Variants in SPAG6 observed in about 807,000 individuals in gnomAD.
The protein encoded by SPAG6 is sperm associated antigen 6.
Under a neutral mutation model 58.5 loss-of-function variants are expected in SPAG6, and 49 were observed. The ratio of observed to expected loss-of-function variants is 0.84; its 90% confidence interval spans 0.67 to 1.06. SPAG6 has a LOEUF of 1.06. SPAG6 is among the 50% of genes least tolerant of loss of function. The probability of loss-of-function intolerance (pLI) is 0.00; values close to 1 mark genes in which losing one functional copy is unlikely to be tolerated. For synonymous variants in SPAG6, 233 were observed against 225.6 expected (o/e 1.03, Z -0.29); for missense variants, 560 against 611.3 (o/e 0.92, Z 0.89).
At chr10:22,406,146 G>C (rs1834548836) in intron 9 of SPAG6, among the ~76,000 whole-genome samples, 1 of 152,042 alleles carries the variant, frequency 6.6e-6, no homozygotes, top group Admixed American at 6.6e-5. Context: ...CTTCAGTTCT[G>C]CTCTGATTTT....
At chr10:22,410,115 C>G (rs1834692250) in intron 9 of SPAG6, among the ~76,000 whole-genome samples, 1 of 152,120 alleles carries the variant, frequency 6.6e-6, no homozygotes, top group Non-Finnish European at 1.5e-5. Flanking sequence ...TCATTGGTTG[C>G]TTTAAGAAAC....
At chr10:22,367,807 A>C (rs1837239580) in intron 3 of SPAG6, among the ~76,000 whole-genome samples, 1 of 152,196 alleles carries the variant, frequency 6.6e-6, no homozygotes, top group Admixed American at 6.5e-5. Flanking sequence ...ATAAATATGA[A>C]GCAGTATTTA....
At chr10:22,349,219 GT>G (rs1048468677) in intron 2 of SPAG6, among the ~76,000 whole-genome samples, 2,275 of 145,792 alleles carry the variant, frequency 0.016, 48 homozygotes, top group African/African-American at 0.051. Flanking sequence ...ACCTTGAGGT[GT>G]TTTTTTTTTT....
intron 2 of SPAG6, among the ~76,000 whole-genome samples, chr10:22,359,010 C>T (rs938669584): frequency 6.6e-6 from 1 of 152,132 alleles, no homozygotes; most frequent in Non-Finnish European, 1.5e-5. Flanking sequence ...TGGCAGAGTC[C>T]AGATTTGAAC....
intron 9 of SPAG6, among the ~76,000 whole-genome samples, chr10:22,405,387 G>C (rs1022768206): frequency 2.6e-5 from 4 of 151,892 alleles, no homozygotes; most frequent in Non-Finnish European, 4.4e-5. Context: ...TGCATCTATT[G>C]AGATAATCAT....
intron 4 of SPAG6, among the ~76,000 whole-genome samples, chr10:22,372,945 G>A (rs1413252168): frequency 6.6e-6 from 1 of 152,138 alleles, no homozygotes. Context: ...ATTTACGGTG[G>A]AACTGCTTGG....
Position 22,345,668 on chromosome 10 carries a change from G to C in SPAG6, c.25+32G>C. On this transcript the variant is annotated intron_variant, in intron 1 of 10. Coordinates refer to ENST00000376624, the MANE Select transcript of SPAG6 (RefSeq NM_012443.4). The surrounding 1 kb of genome is among the most constrained non-coding windows in gnomAD (Gnocchi z 6.3). ...CCGAGGCGGGCAGGTGCCCTAACTA[G>C]CTGGCGCCGAGGAGACCCGGGTGCG... The C allele has an allele frequency of 6.4e-7, 1 of 1,571,154 alleles. No homozygotes were observed. The highest frequency in any genetic ancestry group is 1.9e-5 in the Admixed American group (1 of 53,284).
At chr10:22,346,443 T>TTCTTCTTCC (rs1564357175) in intron 2 of SPAG6, among the ~76,000 whole-genome samples, 2 of 133,094 alleles carry the variant, frequency 1.5e-5, no homozygotes, top group South Asian at 2.4e-4. Context: ...CTTCTTCTTC[T>TTCTTCTTCC]TCTTCTTCTT....
rs781675650 is a variant in SPAG6 at position 22,416,669 on chromosome 10, A to G, written c.1511A>G (p.Tyr504Cys). 1.2e-6 allele frequency: 2 copies of G among 1,607,944 alleles called. No homozygotes were observed. Among genetic ancestry groups the G allele is most frequent in the African/African-American group, 1.3e-5 (1 of 74,906 alleles). ...ACACTTCTGCAGAGGGTGGACAGCT[A>G]TCAACCACTTAATAACTGAGCAAAG... ...SDTLLQRVDS[Y>C]QPLNN The change falls in exon 11 of 11, where the codon TAT becomes TGT. Residue 504 changes from tyrosine (Y) to cysteine (C), a missense_variant. Physicochemically the swap from Tyr to Cys is radical, Grantham distance 194. Transcript: ENST00000376624.
intron 2 of SPAG6, among the ~76,000 whole-genome samples, chr10:22,362,175 A>T (rs1837063651): frequency 6.9e-6 from 1 of 145,938 alleles, no homozygotes; most frequent in African/African-American, 2.5e-5. Flanking sequence ...TAAATATATA[A>T]AAATATATTT....
chr10:22,365,511 T>A (rs1435406816), intron 3 of SPAG6, among the ~76,000 whole-genome samples: 1 of 152,168 alleles, frequency 6.6e-6, no homozygotes, highest in African/African-American at 2.4e-5. Flanking sequence ...CCAACTCTGT[T>A]AAGCACTATC....
At chr10:22,389,475 A>T (rs1025448093) in intron 7 of SPAG6, among the ~76,000 whole-genome samples, 163 bp downstream of exon 7, 6 of 152,232 alleles carry the variant, frequency 3.9e-5, no homozygotes, top group African/African-American at 1.4e-4. Flanking sequence ...TTTTATTAGC[A>T]AGGTAATGGG....
At chr10:22,350,587 T>A (rs1326274630) in intron 2 of SPAG6, among the ~76,000 whole-genome samples, 2 of 152,214 alleles carry the variant, frequency 1.3e-5, no homozygotes, top group Non-Finnish European at 2.9e-5. Flanking sequence ...TACTTTACAT[T>A]CGAATGAGGT....
At chr10:22,389,345 G>A (rs1440007997) in intron 7 of SPAG6, 33 bp downstream of exon 7, 4 of 1,598,720 alleles carry the variant, frequency 2.5e-6, no homozygotes, top group South Asian at 2.2e-5. Flanking sequence ...TCCAGTTGCA[G>A]TAAGAAATTC....
At chr10:22,413,087 A>AG (rs1834781119) in intron 10 of SPAG6, 1 of 150,388 alleles carries the variant, frequency 6.6e-6, no homozygotes, top group African/African-American at 2.4e-5. Flanking sequence ...AAAAAAAAAA[A>AG]AGAACTAAAG....
At chr10:22,385,211 G>T (rs1392344016) in intron 4 of SPAG6, among the ~76,000 whole-genome samples, 1 of 151,980 alleles carries the variant, frequency 6.6e-6, no homozygotes, top group Non-Finnish European at 1.5e-5. Context: ...CTTTGGATGG[G>T]TGTGGGGGTG....
chr10:22,346,071 GC>G (rs1157935138), intron 2 of SPAG6: 4 of 1,522,072 alleles, frequency 2.6e-6, no homozygotes, highest in Non-Finnish European at 3.5e-6. Context: ...GAAAGTCGAG[GC>G]CCTAGGAATT....
At chr10:22,369,005 G>T (rs887482538) in intron 4 of SPAG6, among the ~76,000 whole-genome samples, 11 of 152,038 alleles carry the variant, frequency 7.2e-5, no homozygotes, top group Non-Finnish European at 1.5e-4. Flanking sequence ...TGCATAAGTG[G>T]TTTTGCCATT....
At position 22,355,221 on chromosome 10, in the gene SPAG6, C is replaced by G. The variant is rs117623153; in HGVS notation, c.121+9403C>G. Among the ~76,000 whole-genome samples the G allele has an allele frequency of 6.6e-3, 1,001 of 152,196 alleles. 4 individuals are homozygous for G. The highest frequency in any genetic ancestry group is 0.017 in the Middle Eastern group (5 of 294). Reference sequence around the variant, plus strand: ...GGGAGGAGAAACCGGAGAGCATAGACGCGAGCCATGAAGAGCATCTACCTC... The same window carrying G: ...GGGAGGAGAAACCGGAGAGCATAGAGGCGAGCCATGAAGAGCATCTACCTC... On this transcript the variant is annotated intron_variant, in intron 2 of 10. Transcript: ENST00000376624.
Sources: gnomAD v4.1 joint callset for allele counts (sites outside exome capture counted in the v4.1 genomes callset) on GRCh38, gnomAD v4.1.1 for gene constraint, Gnocchi (gnomAD v3.1) non-coding constraint, MANE v1.5 for transcripts, NCBI Gene and HGNC (gene_info 2026-07-23, HGNC 2026-07-21) for gene names.